SOX5: variants seen among roughly 807,000 people sequenced by gnomAD.
SOX5 encodes the protein transcription factor SOX-5.
In SOX5, 9 loss-of-function variants were observed where a neutral mutation model predicts 92.0. The observed-to-expected ratio is 0.10, with a 90% CI of 0.06 to 0.17. The LOEUF (loss-of-function observed/expected upper bound fraction) is 0.17, where lower values mean the gene tolerates loss of function less well. Among genes scored for constraint, SOX5 ranks in the 10% least tolerant of loss-of-function variants. The pLI is 1.00. For missense variants in SOX5, 642 were observed against 944.5 expected (o/e 0.68, Z 4.20); for synonymous variants, 344 against 336.3 (o/e 1.02, Z -0.25).
Position 24,098,976 on chromosome 12 carries a change from A to T in SOX5, c.-2+114367T>A, listed in dbSNP as rs568035560. On this transcript the variant is annotated intron_variant, in intron 4 of 4. Transcript: ENST00000446891. ...ATGGCTATTTGTTAGTTCTGGAATCATTCTTGATCTCAGTCTTCCTATCTA... is the reference window on the plus strand; with the variant it reads ...ATGGCTATTTGTTAGTTCTGGAATCTTTCTTGATCTCAGTCTTCCTATCTA... Among the ~76,000 whole-genome samples the T allele has an allele frequency of 2.0e-5, 3 of 152,274 alleles. 1 individual carries two copies. In the South Asian group the frequency reaches 6.2e-4, roughly 32 times the overall value.
intron 1 of SOX5, among the ~76,000 whole-genome samples, chr12:24,548,416 C>T (rs933611764): frequency 6.6e-6 from 1 of 152,116 alleles, no homozygotes; most frequent in Non-Finnish European, 1.5e-5. Context: ...AAGGGATGGG[C>T]AGGATTTTAG....
chr12:24,203,835 C>A (rs915584503), intron 4 of SOX5, among the ~76,000 whole-genome samples: 1 of 152,194 alleles, frequency 6.6e-6, no homozygotes. Context: ...TTTTTATCCA[C>A]TTCCTTCATC....
intron 4 of SOX5, among the ~76,000 whole-genome samples, chr12:24,016,216 G>A (rs1222904120): frequency 2.0e-5 from 3 of 152,112 alleles, no homozygotes; most frequent in Non-Finnish European, 2.9e-5. Context: ...CAAGATTACA[G>A]CACCCTATGA....
intron 2 of SOX5, among the ~76,000 whole-genome samples, chr12:23,865,695 C>G (rs2096804283): frequency 6.6e-6 from 1 of 151,888 alleles, no homozygotes; most frequent in South Asian, 2.1e-4. Flanking sequence ...AAAAAAAATA[C>G]ATTTTGTAAG....
At chr12:23,567,866 G>A (rs1947415189) in intron 10 of SOX5, among the ~76,000 whole-genome samples, 1 of 151,774 alleles carries the variant, frequency 6.6e-6, no homozygotes, top group African/African-American at 2.4e-5. Context: ...TTTTTCAGAG[G>A]CAGAAAAGAA....
intron 4 of SOX5, among the ~76,000 whole-genome samples, chr12:23,968,801 C>G (rs1472322004): frequency 6.6e-6 from 1 of 152,142 alleles, no homozygotes; most frequent in Non-Finnish European, 1.5e-5. Flanking sequence ...CTGTCTGCCC[C>G]TTCATTGATT....
intron 3 of SOX5, among the ~76,000 whole-genome samples, chr12:23,821,565 A>G (rs571108716): frequency 6.6e-6 from 1 of 152,202 alleles, no homozygotes; most frequent in African/African-American, 2.4e-5. Flanking sequence ...GGTTTGTCAT[A>G]AATAGCTAGT....
chr12:23,570,761 A>T (rs985801112), intron 10 of SOX5, among the ~76,000 whole-genome samples: 1 of 150,910 alleles, frequency 6.6e-6, no homozygotes, highest in Non-Finnish European at 1.5e-5. Context: ...ATTCAAAAAA[A>T]TTAGCCGGGC....
chr12:24,223,337 A>G (rs773791938), intron 3 of SOX5: 2 of 152,256 alleles, frequency 1.3e-5, no homozygotes, highest in Non-Finnish European at 2.9e-5. Context: ...TTGAATAACC[A>G]AAGTCAAAGA....
intron 4 of SOX5, among the ~76,000 whole-genome samples, chr12:23,963,775 A>AAAC (rs1947236588): frequency 6.6e-6 from 1 of 151,492 alleles, no homozygotes. Flanking sequence ...TAAAAAAAAA[A>AAAC]AAAAAAAACT....
intron 1 of SOX5, among the ~76,000 whole-genome samples, chr12:24,439,059 G>T (rs1182618193): frequency 6.6e-6 from 1 of 152,120 alleles, no homozygotes; most frequent in African/African-American, 2.4e-5. Flanking sequence ...TTAAGAAATT[G>T]TCACTGCCAC....
chr12:24,272,674 C>T (rs780982520), intron 3 of SOX5, among the ~76,000 whole-genome samples: 12 of 152,016 alleles, frequency 7.9e-5, no homozygotes, highest in Non-Finnish European at 1.5e-4. Context: ...TACATATTAT[C>T]AAACCTCGTA....
chr12:24,196,160 T>C (rs551798683), intron 4 of SOX5, among the ~76,000 whole-genome samples: 25 of 152,320 alleles, frequency 1.6e-4, no homozygotes, highest in African/African-American at 5.3e-4. Context: ...GCTGGGATTA[T>C]AGGCGTGAGC....
intron 2 of SOX5, among the ~76,000 whole-genome samples, chr12:23,882,372 TAA>T (rs562876910): frequency 6.3e-5 from 9 of 142,592 alleles, no homozygotes; most frequent in African/African-American, 2.3e-4. Context: ...GCGGATATAC[TAA>T]AAAAAAAAAA....
At position 24,334,102 on chromosome 12, in the gene SOX5, A is replaced by G. The variant is rs543940713; in HGVS notation, c.-174+34461T>C. Among the ~76,000 whole-genome samples the G allele has an allele frequency of 9.5e-5, 14 of 147,606 alleles. No individual in the cohort carries two copies. The East Asian group carries it at 2.7e-3, about 29-fold the overall frequency. On this transcript the variant is annotated intron_variant, in intron 2 of 4. Coordinates refer to the SOX5 transcript ENST00000446891. The stretch of plus-strand genomic sequence containing the variant: ...TACTCATACTATATACTATATACCA[A>G]ATTAAACAACAAGAAAATAAAAGAG...
At chr12:24,384,262 T>A (rs1028611785) in intron 1 of SOX5, among the ~76,000 whole-genome samples, 5 of 152,196 alleles carry the variant, frequency 3.3e-5, no homozygotes, top group Admixed American at 3.3e-4. Context: ...CAATAGGGTT[T>A]GCGCTCCTAC....
In SOX5 at chr12:24,214,298, G is replaced by C. The variant is rs1373356557; in HGVS notation, c.-76-881C>G. Among the ~76,000 whole-genome samples the C allele has an allele frequency of 4.6e-5, 7 of 152,132 alleles. No individual in the cohort carries two copies. In the East Asian group the frequency reaches 1.3e-3, roughly 29 times the overall value. ...AGAGACAGACTGCAGGGTCATAAAA[G>C]CAGAATTTAATTATTGATTTCTGGG... On this transcript the variant is annotated intron_variant, in intron 3 of 4. Coordinates refer to the SOX5 transcript ENST00000446891.
chr12:24,129,337 A>C (rs1565493318), intron 4 of SOX5, among the ~76,000 whole-genome samples: 2 of 152,078 alleles, frequency 1.3e-5, no homozygotes, highest in African/African-American at 4.8e-5. Flanking sequence ...CCCTTTACTA[A>C]TTTTTTTAAA....
chr12:23,975,899 T>G (rs1948836233), intron 4 of SOX5, among the ~76,000 whole-genome samples: 1 of 152,234 alleles, frequency 6.6e-6, no homozygotes, highest in Non-Finnish European at 1.5e-5. Flanking sequence ...TCTTAACTTA[T>G]AGATAAAATT....
Sources: allele counts gnomAD v4.1 joint callset (sites outside exome capture counted in the v4.1 genomes callset), GRCh38; gene constraint gnomAD v4.1.1; transcripts MANE v1.5; gene names NCBI Gene and HGNC (gene_info 2026-07-23, HGNC 2026-07-21).